MUC17: variants seen among roughly 807,000 people sequenced by gnomAD.
MUC17 encodes the protein mucin 17, cell surface associated.
MUC17 carries 190 observed loss-of-function variants against 170.3 expected under a neutral mutation model. The ratio of observed to expected loss-of-function variants is 1.12; its 90% CI spans 0.99 to 1.26. MUC17 has a LOEUF of 1.26. MUC17 is among the 50% of genes most tolerant of loss of function. MUC17 has a pLI of 0.00. For missense variants in MUC17, 6,415 were observed against 5,530.0 expected (o/e 1.16, Z -5.08); for synonymous variants, 2,325 against 2,002.5 (o/e 1.16, Z -4.30).
chr7:101,051,579 G>A (rs1242177243), intron 7 of MUC17, 34 bp from the exon 8 acceptor site: 6 of 1,609,226 alleles, frequency 3.7e-6, no homozygotes, highest in African/African-American at 1.3e-5. Flanking sequence ...AAGCGTGTAT[G>A]TGTCGTGAGG....
At position 101,032,534 on chromosome 7, in the gene MUC17, C is replaced by A. The variant is rs905784096; in HGVS notation, c.1118C>A (p.Ser373Ter). The A allele has an allele frequency of 1.2e-5, 20 of 1,614,068 alleles. No individual in the cohort carries two copies. Among genetic ancestry groups the A allele is most frequent in the Non-Finnish European group, 1.7e-5 (20 of 1,180,034 alleles). Residue 373 changes from serine (S) to a stop codon, truncating the protein, a stop_gained, in exon 3 of 13, where the codon TCA (serine) becomes TAA (stop). Coordinates refer to ENST00000306151, the MANE Select transcript of MUC17 (RefSeq NM_001040105.2). LOFTEE classifies it high-confidence loss of function. ...GTGACCACTTCTACTGAACCCAGTT[C>A]ACTTCCTACAACTGCTGAAGCTACC... ...TLVTTSTEPS[S>*]LPTTAEATSM... is the part of the protein sequence containing the mutation.
At chr7:101,056,659 A>G (rs952104066) in intron 12 of MUC17, among the ~76,000 whole-genome samples, 2 of 152,200 alleles carry the variant, frequency 1.3e-5, no homozygotes, top group East Asian at 1.9e-4. Flanking sequence ...CTTTCTTTGT[A>G]TTGATCTATT....
In MUC17 at chr7:101,041,455, T is replaced by C. The variant is rs772755544; in HGVS notation, c.10039T>C (p.Phe3347Leu). The C allele has an allele frequency of 7.5e-6, 12 of 1,607,294 alleles. No individual in the cohort carries two copies. The highest frequency in any genetic ancestry group is 1.0e-5 in the Non-Finnish European group (12 of 1,177,810). ...AAGCACTCCACTAACAAATATGTCTTTCAGCACCACGCCAGTGGTCAGTTC... is the reference window on the plus strand; with the variant it reads ...AAGCACTCCACTAACAAATATGTCTCTCAGCACCACGCCAGTGGTCAGTTC... ...EGSTPLTNMSFSTTPVVSSEA... is the reference protein window; with the variant it reads ...EGSTPLTNMSLSTTPVVSSEA... The change falls in exon 3 of 13, where the codon TTC becomes CTC. Residue 3347 changes from phenylalanine (F) to leucine (L), a missense_variant. Physicochemically the swap from Phe to Leu is conservative, Grantham distance 22. Transcript: ENST00000306151.
chr7:101,058,359 G>T lies in MUC17; in HGVS notation c.*315G>T. 4.4e-6 allele frequency: 1 copy of T among 228,190 alleles called. No homozygotes were observed. Among genetic ancestry groups the T allele is most frequent in the Non-Finnish European group, 8.6e-6 (1 of 115,686 alleles). 14.1% of individuals were successfully genotyped at this position (228,190 alleles called of 1,614,324 possible). On this transcript the variant is annotated 3_prime_UTR_variant, in exon 13 of 13. Coordinates refer to ENST00000306151, the MANE Select transcript of MUC17 (RefSeq NM_001040105.2). ...CCCATTGATCGCCAGGATTGATTTG[G>T]TTGATCTGGCTGAGCAGGCGGGTGT...
intron 3 of MUC17, among the ~76,000 whole-genome samples, chr7:101,044,358 A>T (rs1044224805): frequency 1.3e-5 from 2 of 152,222 alleles, no homozygotes; most frequent in African/African-American, 4.8e-5. Context: ...AAGAACAGAC[A>T]CTTTTCAAAA....
intron 11 of MUC17, 127 bp downstream of exon 11, chr7:101,053,563 C>A: frequency 1.5e-6 from 1 of 655,628 alleles, no homozygotes; most frequent in Non-Finnish European, 2.7e-6. Flanking sequence ...AGGCCAGGAG[C>A]TCAAGATCAG....
chr7:101,021,747 G>A (rs569797843), intron 1 of MUC17, among the ~76,000 whole-genome samples: 1 of 152,186 alleles, frequency 6.6e-6, no homozygotes, highest in African/African-American at 2.4e-5. Context: ...TGTCCTTTGG[G>A]ACCCTGGCCA....
In MUC17 at chr7:101,043,443, T is replaced by A. The variant is rs757775695; in HGVS notation, c.12027T>A (p.Thr4009=). The A allele has an allele frequency of 6.2e-7, 1 of 1,614,214 alleles. No homozygotes were observed. The highest frequency in any genetic ancestry group is 8.5e-7 in the Non-Finnish European group (1 of 1,180,046). Residue 4009 remains threonine, a synonymous_variant, in exon 3 of 13, where the codon ACT becomes ACA. Coordinates refer to ENST00000306151, the MANE Select transcript of MUC17 (RefSeq NM_001040105.2). ...AAPLTYVTMS[T]APSTPRTTSR... ...CCCTCACATATGTGACCATGTCTAC[T>A]GCCCCCAGCACACCCAGAACAACCA...
intron 1 of MUC17, among the ~76,000 whole-genome samples, chr7:101,027,605 T>C (rs1794204218): frequency 6.6e-6 from 1 of 152,164 alleles, no homozygotes; most frequent in Admixed American, 6.5e-5. Flanking sequence ...TTTGGAGTTG[T>C]TGAATTTTTT....
At chr7:101,020,308 C>A (rs1426228612) in intron 1 of MUC17, 91 bp downstream of exon 1, 1 of 1,103,852 alleles carries the variant, frequency 9.1e-7, no homozygotes, top group Non-Finnish European at 1.3e-6. Context: ...GAGCTGCCTC[C>A]AGGACACCAA....
intron 6 of MUC17, 117 bp from the exon 7 acceptor site, chr7:101,050,367 T>A: frequency 6.9e-7 from 1 of 1,451,634 alleles, no homozygotes; most frequent in East Asian, 2.3e-5. Context: ...TCACCCCAAC[T>A]GTCCTGCCCC....
chr7:101,042,241 A>G lies in MUC17; in HGVS notation c.10825A>G (p.Thr3609Ala). The G allele has an allele frequency of 6.2e-7, 1 of 1,614,166 alleles. No individual in the cohort carries two copies. The highest frequency in any genetic ancestry group is 1.1e-5 in the South Asian group (1 of 91,088). Residue 3609 changes from threonine (T) to alanine (A), a missense_variant, in exon 3 of 13, where the codon ACT becomes GCT. By Grantham distance (58) the Thr-to-Ala change is moderately conservative. Coordinates refer to ENST00000306151, the MANE Select transcript of MUC17 (RefSeq NM_001040105.2). ...TGTTGACAGAAGCACACCTGTGACC[A>G]CTTCTACTCAGAGCAATTCTACTCC... ...PSVDRSTPVT[T>A]STQSNSTPTP...
Position 101,035,705 on chromosome 7 carries a change from C to G in MUC17, c.4289C>G (p.Ser1430Cys). Residue 1430 changes from serine to cysteine, a missense_variant, in exon 3 of 13, where the codon TCT (serine) becomes TGT (cysteine). Ser to Cys is a moderately radical substitution (Grantham distance 112, BLOSUM62 -1). Transcript: ENST00000306151. ...PVDTSTPGTT[S>C]AEATSSPTTA... ...GACACCAGCACCCCTGGGACCACTT[C>G]TGCTGAAGCCACTTCATCTCCTACA... 6.2e-7 allele frequency: 1 copy of G among 1,608,992 alleles called. No individual in the cohort carries two copies. Among genetic ancestry groups the G allele is most frequent in the African/African-American group, 1.3e-5 (1 of 74,940 alleles).
In MUC17 at chr7:101,041,631, T is replaced by C; in HGVS notation, c.10215T>C (p.Pro3405=). ...GAACCACTCCATTAGCAAGTATGCCTGTCAGCACCACGCCGGTGGTCAGTT... is the reference window on the plus strand; with the variant it reads ...GAACCACTCCATTAGCAAGTATGCCCGTCAGCACCACGCCGGTGGTCAGTT... ...SEGTTPLASM[P]VSTTPVVSSE... is the part of the protein sequence containing the mutation. The change falls in exon 3 of 13, where the codon CCT becomes CCC. Residue 3405 remains proline (P), a synonymous_variant. Transcript: ENST00000306151. 5 of 1,614,040 alleles carry C rather than the reference T, an allele frequency of 3.1e-6. No homozygotes were observed. The highest frequency in any genetic ancestry group is 4.2e-6 in the Non-Finnish European group (5 of 1,179,936).
chr7:101,053,270 C>T, intron 10 of MUC17, 69 bp from the exon 11 acceptor site: 1 of 1,578,922 alleles, frequency 6.3e-7, no homozygotes, highest in Non-Finnish European at 8.7e-7. Context: ...AATGGGGATA[C>T]AGCTTGTCCC....
rs1235134912 is a variant in MUC17 at position 101,042,621 on chromosome 7, T to A, written c.11205T>A (p.Ser3735=). 1.2e-6 allele frequency: 2 copies of A among 1,614,134 alleles called. No individual in the cohort carries two copies. The highest frequency in any genetic ancestry group is 1.7e-6 in the Non-Finnish European group (2 of 1,180,030). ...VTTSTEAISS[S]ATLDSTTMSV... is the part of the protein sequence containing the mutation. ...CTTCTACTGAAGCCATTTCATCTTC[T>A]GCAACTCTTGACAGCACCACCATGT... is the stretch of plus-strand genomic sequence containing the variant. Residue 3735 remains serine (S), a synonymous_variant, in exon 3 of 13, where the codon TCT becomes TCA. Transcript: ENST00000306151.
chr7:101,041,459 GCAC>G lies in MUC17; in HGVS notation c.10047_10049del (p.Thr3350del). The stretch of plus-strand genomic sequence containing the variant: ...ACTCCACTAACAAATATGTCTTTCA[GCAC>G]CACGCCAGTGGTCAGTTCTGAGGCT... On this transcript the variant is annotated inframe_deletion, in exon 3 of 13. Coordinates refer to ENST00000306151, the MANE Select transcript of MUC17 (RefSeq NM_001040105.2). 5 of 1,613,978 alleles carry G rather than the reference GCAC, an allele frequency of 3.1e-6. No homozygotes were observed. The highest frequency in any genetic ancestry group is 4.2e-6 in the Non-Finnish European group (5 of 1,179,998).
rs1362384135 is a variant in MUC17 at position 101,032,556 on chromosome 7, T to C, written c.1140T>C (p.Ala380=). The C allele has an allele frequency of 1.9e-6, 3 of 1,613,714 alleles. No homozygotes were observed. Among genetic ancestry groups the C allele is most frequent in the Non-Finnish European group, 2.5e-6 (3 of 1,179,910 alleles). ...EPSSLPTTAE[A]TSMLTSTLSE... ...GTTCACTTCCTACAACTGCTGAAGCTACCAGCATGCTAACCTCAACTCTTA... is the reference window on the plus strand; with the variant it reads ...GTTCACTTCCTACAACTGCTGAAGCCACCAGCATGCTAACCTCAACTCTTA... The change falls in exon 3 of 13, where the codon GCT becomes GCC. Residue 380 remains alanine, a synonymous_variant. Coordinates refer to ENST00000306151, the MANE Select transcript of MUC17 (RefSeq NM_001040105.2).
Position 101,040,071 on chromosome 7 carries a change from G to A in MUC17, c.8655G>A (p.Glu2885=). ...PVSTTPVASS[E]ASTLSTTPVD... is the part of the protein sequence containing the mutation. ...GCACCACGCCGGTGGCCAGTTCTGA[G>A]GCTAGCACCCTTTCAACAACTCCTG... is the stretch of plus-strand genomic sequence containing the variant. The change falls in exon 3 of 13, where the codon GAG becomes GAA. Residue 2885 remains glutamate, a synonymous_variant. Transcript: ENST00000306151. 6.2e-7 allele frequency: 1 copy of A among 1,612,862 alleles called. No individual in the cohort carries two copies.
Sources: gnomAD v4.1 joint callset for allele counts (sites outside exome capture counted in the v4.1 genomes callset) on GRCh38, gnomAD v4.1.1 for gene constraint, MANE v1.5 for transcripts, NCBI Gene and HGNC (gene_info 2026-07-23, HGNC 2026-07-21) for gene names.